Variants in SLC5A4 observed in about 807,000 individuals in gnomAD.
SLC5A4 encodes solute carrier family 5 member 4.
A neutral mutation model predicts 70.3 loss-of-function variants in SLC5A4; 55 were observed. The ratio of observed to expected loss-of-function variants is 0.78; its 90% CI spans 0.63 to 0.98. SLC5A4 has a LOEUF of 0.98. SLC5A4 is among the 50% of genes least tolerant of loss of function. The probability of loss-of-function intolerance (pLI) is 0.00; values close to 1 mark genes in which losing one functional copy is unlikely to be tolerated. For missense variants in SLC5A4, 735 were observed against 839.2 expected, an observed-to-expected ratio of 0.88 and a Z score of 1.53; for synonymous variants, 268 against 305.7, an observed-to-expected ratio of 0.88 and a Z score of 1.29.
the SLC5A4 span, among the ~76,000 whole-genome samples, chr22:32,305,849 G>A: frequency 0.15 from 21,573 of 142,730 alleles, 1,713 homozygotes; most frequent in Non-Finnish European, 0.19. Context: ...CACCCCCCAC[G>A]TGCTTTCGGC....
chr22:32,280,891 G>A, the SLC5A4 span, among the ~76,000 whole-genome samples: 2 of 152,032 alleles, frequency 1.3e-5, no homozygotes, highest in South Asian at 4.1e-4. Context: ...CCTTCCCAGG[G>A]TCTCTGACCA....
the SLC5A4 span, among the ~76,000 whole-genome samples, chr22:32,276,447 A>G: frequency 6.6e-6 from 1 of 152,226 alleles, no homozygotes; most frequent in African/African-American, 2.4e-5. Context: ...TGGAAAGAAA[A>G]TTTCAAAGGG....
intron 5 of SLC5A4, 59 bp from the exon 6 acceptor site, chr22:32,239,149 TG>T: frequency 8.2e-7 from 1 of 1,217,350 alleles, no homozygotes; most frequent in South Asian, 1.2e-5. Context: ...CTGGCTTCTC[TG>T]CCCCAATGTC....
the SLC5A4 span, chr22:32,270,256 GCCTT>G: frequency 1.4e-6 from 1 of 720,264 alleles, no homozygotes; most frequent in South Asian, 1.4e-5. Flanking sequence ...GGGTGAGCCT[GCCTT>G]CCTGTCTGAA....
chr22:32,306,796 C>T, the SLC5A4 span, among the ~76,000 whole-genome samples: 4 of 152,206 alleles, frequency 2.6e-5, no homozygotes, highest in African/African-American at 9.6e-5. Flanking sequence ...ATTGTCCAGA[C>T]ACTGACCGCT....
chr22:32,349,039 G>A, the SLC5A4 span, among the ~76,000 whole-genome samples: 3 of 152,100 alleles, frequency 2.0e-5, no homozygotes, highest in African/African-American at 4.8e-5. Context: ...GCAGTGGTGC[G>A]ATTCGGCTCA....
At chr22:32,339,144 C>T in the SLC5A4 span, among the ~76,000 whole-genome samples, 5 of 152,274 alleles carry the variant, frequency 3.3e-5, no homozygotes, top group East Asian at 1.9e-4. Context: ...TCATTAGAGA[C>T]GCGCAAAAGC....
At chr22:32,333,519 G>T in the SLC5A4 span, among the ~76,000 whole-genome samples, 10 of 152,208 alleles carry the variant, frequency 6.6e-5, no homozygotes, top group Admixed American at 3.9e-4. Flanking sequence ...CTTATGAAAT[G>T]AATGTGTCCT....
At chr22:32,303,335 A>G in the SLC5A4 span, among the ~76,000 whole-genome samples, 18,304 of 152,248 alleles carry the variant, frequency 0.12, 1,491 homozygotes, top group Non-Finnish European at 0.18. Flanking sequence ...GGTAAGTAAG[A>G]GACAAATGTT....
chr22:32,295,012 G>A, the SLC5A4 span, among the ~76,000 whole-genome samples: 6 of 93,246 alleles, frequency 6.4e-5, no homozygotes, highest in African/African-American at 2.0e-4. Context: ...TTTTATGGCT[G>A]CATAGTATTC....
chr22:32,306,371 CAGG>C, the SLC5A4 span, among the ~76,000 whole-genome samples: 3 of 150,912 alleles, frequency 2.0e-5, no homozygotes, highest in East Asian at 2.0e-4. Context: ...CAGGCTGAGG[CAGG>C]AGAATGGCGT....
the SLC5A4 span, among the ~76,000 whole-genome samples, chr22:32,326,147 T>C: frequency 6.6e-6 from 1 of 152,210 alleles, no homozygotes; most frequent in East Asian, 1.9e-4. Context: ...AGAGGAGTCA[T>C]GAGGCACAAC....
chr22:32,338,068 A>T, the SLC5A4 span, among the ~76,000 whole-genome samples: 1 of 152,206 alleles, frequency 6.6e-6, no homozygotes, highest in Non-Finnish European at 1.5e-5. Context: ...TTTAATGCAA[A>T]TTAGGAAAAA....
At chr22:32,345,511 A>C in the SLC5A4 span, among the ~76,000 whole-genome samples, 1 of 152,194 alleles carries the variant, frequency 6.6e-6, no homozygotes, top group Admixed American at 6.5e-5. Context: ...CTTCCTTGCC[A>C]CTAAATTCAA....
At chr22:32,231,213 A>G (rs775267095) in intron 9 of SLC5A4, 138 bp from the exon 10 acceptor site, 12 of 656,608 alleles carry the variant, frequency 1.8e-5, no homozygotes, top group Middle Eastern at 2.7e-4. Flanking sequence ...TTTGAACTCC[A>G]TATCATAGAT....
the SLC5A4 span, among the ~76,000 whole-genome samples, chr22:32,295,363 G>T: frequency 3.7e-5 from 4 of 108,686 alleles, no homozygotes; most frequent in South Asian, 1.2e-3. Context: ...CATTCTAACT[G>T]GTGTGAGATG....
chr22:32,329,709 TGTGTGTTGGGGACTCTG>T, the SLC5A4 span, among the ~76,000 whole-genome samples: 23 of 17,082 alleles, frequency 1.3e-3, 1 homozygote, highest in Non-Finnish European at 1.7e-3. Flanking sequence ...GGGGCTCTGG[TGTGTGTTGGGGACTCTG>T]GTGTGTGTGT....
the SLC5A4 span, among the ~76,000 whole-genome samples, chr22:32,325,503 T>C: frequency 6.6e-6 from 1 of 152,316 alleles, no homozygotes; most frequent in East Asian, 1.9e-4. Context: ...AGCATGGCTG[T>C]CGCGGCACAA....
At chr22:32,336,147 T>C in the SLC5A4 span, among the ~76,000 whole-genome samples, 2 of 147,946 alleles carry the variant, frequency 1.4e-5, no homozygotes, top group African/African-American at 5.2e-5. Context: ...TAAGGGTCAC[T>C]GAACTAAATT....
Sources: allele counts gnomAD v4.1 joint callset (sites outside exome capture counted in the v4.1 genomes callset), GRCh38; gene constraint gnomAD v4.1.1; transcripts MANE v1.5; gene names NCBI Gene and HGNC (gene_info 2026-07-23, HGNC 2026-07-21).